Variants in FLCN observed in about 807,000 individuals in gnomAD.
FLCN encodes BHD skin lesion fibrofolliculoma protein.
A neutral mutation model predicts 62.5 loss-of-function variants in FLCN; 22 were observed. The ratio of observed to expected loss-of-function variants is 0.35; its 90% CI spans 0.25 to 0.50. FLCN has a LOEUF of 0.50. FLCN is among the 20% of genes least tolerant of loss of function. The pLI, the probability that FLCN is intolerant of heterozygous loss-of-function variation, is 0.97. For missense variants in FLCN, 657 were observed against 778.0 expected, an observed-to-expected ratio of 0.84 and a Z score of 1.85; for synonymous variants, 319 against 310.0, an observed-to-expected ratio of 1.03 and a Z score of -0.30.
Position 17,213,785 on chromosome 17 carries a change from C to T in FLCN, c.1610G>A (p.Ser537Asn), listed in dbSNP as rs2144810553. 1 of 1,614,236 alleles carries T rather than the reference C, an allele frequency of 6.2e-7. No homozygotes were observed. Among genetic ancestry groups the T allele is most frequent in the Non-Finnish European group, 8.5e-7 (1 of 1,180,044 alleles). ...RPKEDTQKLLSILGASEEDNV... is the reference protein window; with the variant it reads ...RPKEDTQKLLNILGASEEDNV... Reference sequence around the variant, plus strand: ...GTCCTCCTCGGACGCACCCAGGATGCTCAGCAGCTTCTGTGTGTCCTCTTT... The same window carrying T: ...GTCCTCCTCGGACGCACCCAGGATGTTCAGCAGCTTCTGTGTGTCCTCTTT... The change falls in exon 14 of 14, where the codon AGC (serine) becomes AAC (asparagine). Residue 537 changes from serine (S) to asparagine (N), a missense_variant. Physicochemically the swap from Ser to Asn is conservative, Grantham distance 46. Coordinates refer to ENST00000285071, the MANE Select transcript of FLCN (RefSeq NM_144997.7).
chr17:17,225,830 A>G (rs2047228911), intron 5 of FLCN: 3 of 383,164 alleles, frequency 7.8e-6, no homozygotes, highest in Admixed American at 7.4e-5. Context: ...GCAGTGAACC[A>G]TGACGGCACC....
intron 8 of FLCN, 119 bp from the exon 9 acceptor site, chr17:17,219,328 ATGCTCCC>A: frequency 1.5e-6 from 1 of 665,238 alleles, no homozygotes; most frequent in Non-Finnish European, 2.5e-6. Context: ...GCCAGGTCCT[ATGCTCCC>A]TGCTCCCTGT....
At position 17,213,134 on chromosome 17, in the gene FLCN, C is replaced by A. The variant is rs963700738; in HGVS notation, c.*521G>T. 1.2e-4 allele frequency: 33 copies of A among 286,792 alleles called. No individual in the cohort carries two copies. The highest frequency in any genetic ancestry group is 7.0e-4 in the African/African-American group (33 of 47,408). 17.8% of individuals were successfully genotyped at this position (286,792 alleles called of 1,614,324 possible). ...AGAGATCCACTTCACTCCCCAAAGTCTCTTGCGGAGCCCTAACTCAATCAC... is the reference window on the plus strand; with the variant it reads ...AGAGATCCACTTCACTCCCCAAAGTATCTTGCGGAGCCCTAACTCAATCAC... On this transcript the variant is annotated 3_prime_UTR_variant, in exon 14 of 14. Transcript: ENST00000285071.
rs78262456 is a variant in FLCN at position 17,236,968 on chromosome 17, C to T, written c.-284G>A. 1 of 152,228 alleles carries T rather than the reference C, an allele frequency of 6.6e-6. No homozygotes were observed. Among genetic ancestry groups the T allele is most frequent in the Admixed American group, 6.5e-5 (1 of 15,280 alleles). 9.4% of individuals were successfully genotyped at this position (152,228 alleles called of 1,614,324 possible). A position where few individuals can be genotyped will look rare whatever the true frequency, so the allele number is the denominator to read the frequency against. On this transcript the variant is annotated 5_prime_UTR_variant, in exon 1 of 14. Transcript: ENST00000285071. ...TGGACTCGGCAGCCGGGGTCCCGCT[C>T]TGGGTCCCAGCCCCGCCCCTGACTG...
rs747352200 is a variant in FLCN, at chr17:17,223,893, C to T, written c.618+29G>A. On this transcript the variant is annotated intron_variant, in intron 6 of 13. Coordinates refer to ENST00000285071, the MANE Select transcript of FLCN (RefSeq NM_144997.7). ...GGCTCATGCAGTGCAGGGCCCCCTG[C>T]CGCCCCGGCACCTCATCTCTGAATT... 6 of 1,610,638 alleles carry T rather than the reference C, an allele frequency of 3.7e-6. No homozygotes were observed. The highest frequency in any genetic ancestry group is 8.5e-7 in the Non-Finnish European group (1 of 1,178,098).
Position 17,216,992 on chromosome 17 carries a change from C to A in FLCN, c.1176+77G>T. 9.1e-7 allele frequency: 1 copy of A among 1,094,106 alleles called. No individual in the cohort carries two copies. Among genetic ancestry groups the A allele is most frequent in the African/African-American group, 1.5e-5 (1 of 64,884 alleles). The allele number at this position is 1,094,106 out of a possible 1,614,324, so 67.8% of individuals were successfully genotyped here. On this transcript the variant is annotated intron_variant, in intron 10 of 13. Transcript: ENST00000285071. The surrounding 1 kb of genome is among the most constrained non-coding windows in gnomAD (Gnocchi z 4.0). ...GTTCTGTGCTGGGCAGTCGGTGCACCTTGGCATCCCCACCTGACGCCAGGC... is the reference window on the plus strand; with the variant it reads ...GTTCTGTGCTGGGCAGTCGGTGCACATTGGCATCCCCACCTGACGCCAGGC...
At chr17:17,217,977 G>C (rs2046975308) in intron 9 of FLCN, among the ~76,000 whole-genome samples, 1 of 152,174 alleles carries the variant, frequency 6.6e-6, no homozygotes, top group South Asian at 2.1e-4. Context: ...GACAAGGAAG[G>C]TTTCAGCCAA....
chr17:17,217,018 AC>A, intron 10 of FLCN, 50 bp downstream of exon 10: 1 of 1,336,580 alleles, frequency 7.5e-7, no homozygotes, highest in Non-Finnish European at 1.1e-6. Context: ...GACGCCAGGC[AC>A]CAGGCCAATA....
At chr17:17,232,126 G>C (rs2047440796) in intron 2 of FLCN, among the ~76,000 whole-genome samples, 1 of 152,208 alleles carries the variant, frequency 6.6e-6, no homozygotes, top group Admixed American at 6.5e-5. Context: ...AAAGATGCAG[G>C]CTGCAGGACA....
intron 8 of FLCN, chr17:17,221,198 A>G (rs1309800672): frequency 8.0e-6 from 12 of 1,507,460 alleles, no homozygotes; most frequent in South Asian, 1.3e-5. Flanking sequence ...TTTGTAAAGG[A>G]GCAAAGACCG....
chr17:17,222,524 C>T lies in FLCN; in HGVS notation c.756G>A (p.Ala252=), dbSNP rs746664975. The stretch of plus-strand genomic sequence containing the variant: ...ACCAGGCAAAGGAGGTGTGCAGGCA[C>T]GCCCACAGGTTGTCATCACTTGTCA... ...TSLTSDDNLW[A]CLHTSFAWLL... Residue 252 remains alanine (A), a synonymous_variant, in exon 7 of 14, where the codon GCG becomes GCA. Transcript: ENST00000285071. The T allele has an allele frequency of 8.7e-6, 14 of 1,614,068 alleles. No homozygotes were observed. Among genetic ancestry groups the T allele is most frequent in the Middle Eastern group, 1.6e-4 (1 of 6,084 alleles).
At position 17,213,805 on chromosome 17, in the gene FLCN, C is replaced by G. The variant is rs756318617; in HGVS notation, c.1590G>C (p.Glu530Asp). ...GGATGCTCAGCAGCTTCTGTGTGTC[C>G]TCTTTGGGTCGACTGTCCACCTTGG... is the stretch of plus-strand genomic sequence containing the variant. ...KFTKVDSRPKEDTQKLLSILG... is the reference protein window; with the variant it reads ...KFTKVDSRPKDDTQKLLSILG... Residue 530 changes from glutamate (E) to aspartate (D), a missense_variant, in exon 14 of 14, where the codon GAG becomes GAC. Transcript: ENST00000285071. The G allele has an allele frequency of 4.3e-6, 7 of 1,614,242 alleles. No homozygotes were observed. The Admixed American group carries it at 1.2e-4, about 27-fold the overall frequency.
intron 2 of FLCN, among the ~76,000 whole-genome samples, chr17:17,232,113 A>G (rs2047440403): frequency 1.3e-5 from 2 of 152,224 alleles, no homozygotes; most frequent in African/African-American, 4.8e-5. Context: ...CTGAGAACTC[A>G]GCAAAGATGC....
chr17:17,231,342 G>A (rs2047416662), intron 3 of FLCN, among the ~76,000 whole-genome samples: 1 of 152,148 alleles, frequency 6.6e-6, no homozygotes, highest in African/African-American at 2.4e-5. Flanking sequence ...GAATATTTCT[G>A]CCTTCCCAGA....
intron 6 of FLCN, 54 bp from the exon 7 acceptor site, chr17:17,222,715 G>T (rs753360294): frequency 2.3e-4 from 371 of 1,610,700 alleles, no homozygotes; most frequent in Non-Finnish European, 3.0e-4. Flanking sequence ...CCAGCAGCTC[G>T]GACCCCTACT....
In FLCN at chr17:17,224,088, A is replaced by G. The variant is rs373794943; in HGVS notation, c.452T>C (p.Val151Ala). The change falls in exon 6 of 14, where the codon GTG becomes GCG. Residue 151 changes from valine (V) to alanine (A), a missense_variant. Transcript: ENST00000285071. ...IFFGDEQHGF[V>A]FSHTFFIKDS... is the part of the protein sequence containing the mutation. ...CTTGATGAAGAAGGTGTGGCTGAACACAAAGCCGTGCTGCTCATCTCCGAA... is the reference window on the plus strand; with the variant it reads ...CTTGATGAAGAAGGTGTGGCTGAACGCAAAGCCGTGCTGCTCATCTCCGAA... 2.5e-6 allele frequency: 4 copies of G among 1,612,636 alleles called. No homozygotes were observed. Among genetic ancestry groups the G allele is most frequent in the Non-Finnish European group, 2.5e-6 (3 of 1,179,474 alleles).
At position 17,219,186 on chromosome 17, in the gene FLCN, A is replaced by C. The variant is rs763092545; in HGVS notation, c.895T>G (p.Trp299Gly). The C allele has an allele frequency of 6.2e-7, 1 of 1,614,170 alleles. No homozygotes were observed. ...LADLEEESES[W>G]DNSEAEEEEK... The stretch of plus-strand genomic sequence containing the variant: ...TCCTCTTCAGCCTCAGAGTTGTCCC[A>C]GCTTTCTGATTCCTCTTCTAAATCT... The change falls in exon 9 of 14, where the codon TGG becomes GGG. Residue 299 changes from tryptophan to glycine, a missense_variant. Coordinates refer to ENST00000285071, the MANE Select transcript of FLCN (RefSeq NM_144997.7).
chr17:17,237,266 C>CA (rs2047610591), upstream of FLCN: 1 of 152,248 alleles, frequency 6.6e-6, no homozygotes, highest in African/African-American at 2.4e-5. Context: ...CGAGGAGAGC[C>CA]GGGCCTCCCT....
intron 6 of FLCN, 29 bp downstream of exon 6, chr17:17,223,893 C>G: frequency 6.2e-7 from 1 of 1,610,756 alleles, no homozygotes. Context: ...GGGCCCCCTG[C>G]CGCCCCGGCA....
Sources: gnomAD v4.1 joint callset for allele counts (sites outside exome capture counted in the v4.1 genomes callset) on GRCh38, gnomAD v4.1.1 for gene constraint, Gnocchi (gnomAD v3.1) non-coding constraint, MANE v1.5 for transcripts, NCBI Gene and HGNC (gene_info 2026-07-23, HGNC 2026-07-21) for gene names.